Variants in TAF1 observed in about 807,000 individuals in gnomAD.
The protein encoded by TAF1 is transcription initiation factor TFIID subunit 1.
In TAF1, 2 loss-of-function variants were observed where a neutral mutation model predicts 138.5. The observed-to-expected ratio is 0.01, with a 90% confidence interval of 0.01 to 0.05. The LOEUF is 0.05. Ranked by LOEUF, TAF1 falls within the 10% of genes least tolerant of loss-of-function variation. TAF1 has a pLI of 1.00. For synonymous variants in TAF1, 437 were observed against 503.2 expected (o/e 0.87, Z 1.76); for missense variants, 709 against 1,478.0 (o/e 0.48, Z 8.53).
rs753296084 is a variant in TAF1, at chrX:71,460,357, G to C, written c.5222-269G>C. On this transcript the variant is annotated intron_variant, in intron 36 of 37. Coordinates refer to ENST00000423759, the MANE Select transcript of TAF1 (RefSeq NM_004606.5). ...ATTTTGTGGATTAATGGCAATGGCC[G>C]AGGAAAAGTATGGGAGTAGATGGTA... 5.3e-5 allele frequency among the ~76,000 whole-genome samples: 6 copies of C among 112,930 alleles called. No homozygotes were observed. In the South Asian group the frequency reaches 1.1e-3, roughly 20 times the overall value.
chrX:71,475,793 G>A (rs922923978), intron 13 of TAF1, among the ~76,000 whole-genome samples: 4 of 110,822 alleles, frequency 3.6e-5, no homozygotes, highest in Admixed American at 9.7e-5. Flanking sequence ...ACGTTGAAAG[G>A]TGATCCCCAA....
rs147637226 is a variant in TAF1, at chrX:71,448,631, A to G, written c.4754-5539A>G. Among the ~76,000 whole-genome samples, 778 of 111,522 alleles carry G rather than the reference A, an allele frequency of 7.0e-3. 7 individuals are homozygous for G. The highest frequency in any genetic ancestry group is 0.025 in the African/African-American group (753 of 30,704). On this transcript the variant is annotated intron_variant, in intron 32 of 37. Transcript: ENST00000423759. ...AGACTTAAATGCTCCTTTGCTTATA[A>G]TAGTGTAATAGAGTCTAATAGCTGA...
In TAF1 at chrX:71,520,127, T is replaced by TTTTA. The variant is rs202003899; in HGVS notation, c.1367-8384_1367-8381dup. Among the ~76,000 whole-genome samples the TTTTA allele has an allele frequency of 4.5e-3, 429 of 95,443 alleles. 2 individuals are homozygous for TTTTA. The highest frequency in any genetic ancestry group is 0.016 in the Middle Eastern group (3 of 184). 82.9% of individuals were successfully genotyped at this position (95,443 alleles called of 115,157 possible). On this transcript the variant is annotated intron_variant and NMD_transcript_variant, in intron 13 of 14. Coordinates refer to the TAF1 transcript ENST00000373775. ...CCGCCCCTGGCCTGAAGGCATTTTA[T>TTTTA]TTTATTTATTTATTTATTTATTTAT...
At chrX:71,511,833 T>C (rs1229594891) in intron 13 of TAF1, among the ~76,000 whole-genome samples, 1 of 109,571 alleles carries the variant, frequency 9.1e-6, no homozygotes, top group Non-Finnish European at 1.9e-5. Flanking sequence ...CTGGGCAACA[T>C]GGTGAGATGC....
chrX:71,382,140 A>G (rs939917205), intron 9 of TAF1, among the ~76,000 whole-genome samples: 2 of 112,284 alleles, frequency 1.8e-5, no homozygotes, highest in African/African-American at 6.5e-5. Context: ...TGAGATGTCA[A>G]GAGCATAGTT....
chrX:71,374,844 T>C (rs577301328), intron 3 of TAF1, among the ~76,000 whole-genome samples: 2 of 109,790 alleles, frequency 1.8e-5, no homozygotes, highest in South Asian at 4.0e-4. Context: ...CCCAGTACTT[T>C]GGGAGGCTGA....
intron 13 of TAF1, among the ~76,000 whole-genome samples, chrX:71,496,409 T>C (rs904189796): frequency 8.9e-6 from 1 of 112,370 alleles, no homozygotes; most frequent in African/African-American, 3.2e-5. Flanking sequence ...TGATCAATTA[T>C]AGGTTTTAAA....
intron 32 of TAF1, 140 bp downstream of exon 32, chrX:71,424,378 G>T: frequency 3.7e-6 from 1 of 267,253 alleles, no homozygotes. Flanking sequence ...TGTGATCATA[G>T]TTCACTGAAC....
intron 14 of TAF1, chrX:71,528,749 G>A: frequency 3.2e-6 from 1 of 317,252 alleles, no homozygotes; most frequent in Non-Finnish European, 6.1e-6. Flanking sequence ...CTCTTTAAAG[G>A]TAGCACAGAC....
chrX:71,392,467 AAG>A (rs749993603), intron 18 of TAF1, 100 bp from the exon 19 acceptor site: 1 of 998,373 alleles, frequency 1.0e-6, no homozygotes, highest in Admixed American at 4.4e-5. Context: ...ATTAGAAAAA[AAG>A]AACATGAAAA....
At chrX:71,474,721 G>T (rs762782056) in intron 13 of TAF1, among the ~76,000 whole-genome samples, 1 of 111,895 alleles carries the variant, frequency 8.9e-6, no homozygotes, top group Non-Finnish European at 1.9e-5. Context: ...AGAAGGTGAT[G>T]CATTGAAGTA....
intron 7 of TAF1, among the ~76,000 whole-genome samples, 173 bp from the exon 8 acceptor site, chrX:71,378,651 A>G (rs1192244925): frequency 9.0e-6 from 1 of 111,646 alleles, no homozygotes; most frequent in East Asian, 2.8e-4. Context: ...TGTGAAATGA[A>G]TGCTGTGCCA....
chrX:71,412,802 G>A (rs1021644241), intron 28 of TAF1, among the ~76,000 whole-genome samples: 1 of 112,285 alleles, frequency 8.9e-6, no homozygotes. Context: ...TAGCCAGGTT[G>A]GTCTTGATCT....
intron 32 of TAF1, among the ~76,000 whole-genome samples, chrX:71,452,929 C>T (rs1331825088): frequency 7.1e-5 from 8 of 112,036 alleles, no homozygotes; most frequent in East Asian, 2.8e-4. Context: ...GGCGTGGTGG[C>T]GCGCGCCTGC....
At chrX:71,381,611 C>A in intron 8 of TAF1, 132 bp from the exon 9 acceptor site, 1 of 686,039 alleles carries the variant, frequency 1.5e-6, no homozygotes, top group Non-Finnish European at 2.2e-6. Context: ...GGTTCCTTTT[C>A]AGTGGACACA....
Position 71,384,937 on chromosome X carries a change from C to T in TAF1, c.2122-8C>T. 8.4e-7 allele frequency: 1 copy of T among 1,188,210 alleles called. No individual in the cohort carries two copies. The highest frequency in any genetic ancestry group is 1.8e-5 in the South Asian group (1 of 55,759). On this transcript the variant is annotated splice_polypyrimidine_tract_variant and splice_region_variant and intron_variant, in intron 13 of 37. Coordinates refer to ENST00000423759, the MANE Select transcript of TAF1 (RefSeq NM_004606.5). The stretch of plus-strand genomic sequence containing the variant: ...TCTAAATAACTGGGTCTTCTGTGTT[C>T]CTTATAGAAACCTGGAAAAGATCCT...
At chrX:71,458,507 G>A (rs1327039124) in intron 35 of TAF1, 141 bp downstream of exon 35, 2 of 872,722 alleles carry the variant, frequency 2.3e-6, no homozygotes, top group Non-Finnish European at 3.1e-6. Context: ...CTTAGAAATG[G>A]GATTTCAAGT....
chrX:71,388,597 A>C, intron 16 of TAF1, 141 bp from the exon 17 acceptor site: 2 of 946,656 alleles, frequency 2.1e-6, no homozygotes, highest in Non-Finnish European at 2.9e-6. Flanking sequence ...GAAACTTAGC[A>C]GCTGGGGTTT....
At position 71,458,304 on chromosome X, in the gene TAF1, G is replaced by T. The variant is rs779964767; in HGVS notation, c.5002G>T (p.Asp1668Tyr). ...SMSRDASVFQDESNMSVLDIP... is the reference protein window; with the variant it reads ...SMSRDASVFQYESNMSVLDIP... The stretch of plus-strand genomic sequence containing the variant: ...GTCTCGAGATGCCTCTGTATTTCAA[G>T]ATGAGAGCAATATGTCTGTCTTGGA... The change falls in exon 35 of 38, where the codon GAT (aspartate) becomes TAT (tyrosine). Residue 1668 changes from aspartate to tyrosine, a missense_variant. Asp to Tyr is a radical substitution (Grantham distance 160, BLOSUM62 -3). This residue lies in a region of TAF1 where 123 missense variants were observed against 174.7 expected (regional missense o/e 0.70). Transcript: ENST00000423759. The T allele has an allele frequency of 1.7e-6, 2 of 1,210,568 alleles. No homozygotes were observed. Among genetic ancestry groups the T allele is most frequent in the East Asian group, 5.9e-5 (2 of 33,784 alleles).
Sources: gnomAD v4.1 joint callset for allele counts (sites outside exome capture counted in the v4.1 genomes callset) on GRCh38, gnomAD v4.1.1 for gene constraint, gnomAD v4.1.1 regional missense constraint, MANE v1.5 for transcripts, NCBI Gene and HGNC (gene_info 2026-07-23, HGNC 2026-07-21) for gene names.